Variants in ZRANB1 observed in about 807,000 individuals in gnomAD.
ZRANB1 encodes the protein zinc finger RANBP2-type containing 1.
Under a neutral mutation model 80.5 loss-of-function variants are expected in ZRANB1, and 16 were observed. The observed-to-expected ratio is 0.20, with a 90% CI of 0.13 to 0.30. The LOEUF (loss-of-function observed/expected upper bound fraction) is 0.30. Ranked by LOEUF, ZRANB1 falls within the 10% of genes least tolerant of loss-of-function variation. The pLI is 1.00. For missense variants in ZRANB1, 576 were observed against 862.6 expected, an observed-to-expected ratio of 0.67 and a Z score of 4.16; for synonymous variants, 291 against 293.1, an observed-to-expected ratio of 0.99 and a Z score of 0.07.
At chr10:124,941,012 CAAA>C (rs987885487), upstream of ZRANB1, among the ~76,000 whole-genome samples, 1 of 151,054 alleles carries the variant, frequency 6.6e-6, no homozygotes, top group Non-Finnish European at 1.5e-5. Context: ...ACAACAACAA[CAAA>C]AAAACAAACA....
At chr10:124,981,088 G>T (rs573415609) in intron 5 of ZRANB1, among the ~76,000 whole-genome samples, 1 of 152,168 alleles carries the variant, frequency 6.6e-6, no homozygotes, top group Admixed American at 6.5e-5. Context: ...CCATAATTTT[G>T]AGCATAATTA....
At position 124,942,970 on chromosome 10, in the gene ZRANB1, A is replaced by T. The variant is rs773667730; in HGVS notation, c.477A>T (p.Thr159=). The change falls in exon 1 of 9, where the codon ACA becomes ACT. Residue 159 remains threonine, a synonymous_variant. Transcript: ENST00000359653. ...RTQHWTCSVC[T]YENWAKAKRC... is the part of the protein sequence containing the mutation. ...AGCACTGGACTTGCTCTGTTTGCAC[A>T]TATGAAAACTGGGCCAAGGCTAAAA... The T allele has an allele frequency of 6.2e-7, 1 of 1,614,140 alleles. No homozygotes were observed. Among genetic ancestry groups the T allele is most frequent in the South Asian group, 1.1e-5 (1 of 91,090 alleles).
At chr10:124,925,487 T>G in the ZRANB1 span, among the ~76,000 whole-genome samples, 17 of 152,228 alleles carry the variant, frequency 1.1e-4, no homozygotes, top group African/African-American at 4.1e-4. Context: ...TCTTTATGTA[T>G]TCTGGATACA....
rs188487505 is a variant in ZRANB1 at position 124,955,630 on chromosome 10, A to G, written c.815-10964A>G. 3.3e-5 allele frequency among the ~76,000 whole-genome samples: 5 copies of G among 152,298 alleles called. No homozygotes were observed. The East Asian group carries it at 9.6e-4, about 29-fold the overall frequency. On this transcript the variant is annotated intron_variant, in intron 1 of 8. Transcript: ENST00000359653. The stretch of plus-strand genomic sequence containing the variant: ...GTTTACTTCCTGTCCAAGGTAGTTC[A>G]TATAGGTAATAGAGTTATTTTTAGC...
chr10:124,947,838 G>T (rs1249628246), intron 1 of ZRANB1, among the ~76,000 whole-genome samples: 3 of 151,934 alleles, frequency 2.0e-5, no homozygotes, highest in Non-Finnish European at 4.4e-5. Flanking sequence ...CACTATTCTT[G>T]TCCAAACCAT....
In ZRANB1 at chr10:124,983,735, A is replaced by G; in HGVS notation, c.1908+47A>G. 2.1e-6 allele frequency: 3 copies of G among 1,443,742 alleles called. No individual in the cohort carries two copies. The highest frequency in any genetic ancestry group is 1.9e-6 in the Non-Finnish European group (2 of 1,057,824). 89.4% of individuals were successfully genotyped at this position (1,443,742 alleles called of 1,614,324 possible). The stretch of plus-strand genomic sequence containing the variant: ...CTATTTCTAGTAGTGACCTTGTACC[A>G]GAAACAGCCTGAAGTGCCTTTCAGG... On this transcript the variant is annotated intron_variant, in intron 8 of 8. Coordinates refer to ENST00000359653, the MANE Select transcript of ZRANB1 (RefSeq NM_017580.3). This position sits in a 1 kb window ranked among gnomAD's most constrained non-coding sequence, Gnocchi z 6.2.
chr10:124,947,257 C>T (rs1366666545), intron 1 of ZRANB1, among the ~76,000 whole-genome samples: 4 of 152,128 alleles, frequency 2.6e-5, no homozygotes, highest in African/African-American at 4.8e-5. Flanking sequence ...TGTAAATGTA[C>T]AGTTGTCTCT....
At chr10:124,962,332 A>G (rs1589848238) in intron 1 of ZRANB1, 1 of 982,424 alleles carries the variant, frequency 1.0e-6, no homozygotes, top group African/African-American at 1.7e-5. Flanking sequence ...CCCTGACCCC[A>G]CAGCATAAAC....
At chr10:124,925,977 A>G in the ZRANB1 span, among the ~76,000 whole-genome samples, 1 of 152,238 alleles carries the variant, frequency 6.6e-6, no homozygotes, top group African/African-American at 2.4e-5. Flanking sequence ...TTCCTAGGCC[A>G]TAAACGCTGT....
At chr10:124,917,631 C>G in the ZRANB1 span, among the ~76,000 whole-genome samples, 1 of 152,240 alleles carries the variant, frequency 6.6e-6, no homozygotes, top group South Asian at 2.1e-4. Context: ...CGCTCCCACT[C>G]CGCAATAGGC....
intron 1 of ZRANB1, among the ~76,000 whole-genome samples, chr10:124,966,244 G>A (rs1421310348): frequency 6.6e-6 from 1 of 151,972 alleles, no homozygotes; most frequent in Admixed American, 6.6e-5. Context: ...CAGGATGAAC[G>A]CAGGACCGGA....
the ZRANB1 span, among the ~76,000 whole-genome samples, chr10:124,922,632 A>T: frequency 6.6e-6 from 1 of 151,492 alleles, no homozygotes; most frequent in African/African-American, 2.4e-5. Flanking sequence ...AGCTGGGATT[A>T]CAGGCACGTG....
intron 2 of ZRANB1, among the ~76,000 whole-genome samples, chr10:124,970,063 T>C (rs1411682808): frequency 6.6e-6 from 1 of 152,152 alleles, no homozygotes; most frequent in Non-Finnish European, 1.5e-5. Flanking sequence ...TGAATTTACT[T>C]TGGGGGAGCC....
chr10:124,963,287 A>T (rs866696334), intron 1 of ZRANB1, among the ~76,000 whole-genome samples: 304 of 151,404 alleles, frequency 2.0e-3, no homozygotes, highest in African/African-American at 5.5e-3. Flanking sequence ...AAAAAAAAAA[A>T]AATGCTTCAG....
chr10:124,978,354 TTTC>T (rs1457696279), intron 5 of ZRANB1, among the ~76,000 whole-genome samples: 1 of 152,232 alleles, frequency 6.6e-6, no homozygotes, highest in Non-Finnish European at 1.5e-5. Flanking sequence ...AGTGAGATGT[TTTC>T]TTAAGTCATA....
chr10:124,957,576 C>G (rs1003215307), intron 1 of ZRANB1, among the ~76,000 whole-genome samples: 2 of 152,130 alleles, frequency 1.3e-5, no homozygotes, highest in Admixed American at 1.3e-4. Context: ...CTTCCTCCAG[C>G]CCCTGACAAC....
intron 1 of ZRANB1, among the ~76,000 whole-genome samples, chr10:124,961,371 G>A (rs1020456722): frequency 1.3e-5 from 2 of 152,142 alleles, no homozygotes; most frequent in African/African-American, 2.4e-5. Flanking sequence ...TGTTTTAAGT[G>A]ACTCATGATG....
the ZRANB1 span, among the ~76,000 whole-genome samples, chr10:124,923,673 T>C: frequency 6.6e-6 from 1 of 151,888 alleles, no homozygotes; most frequent in Non-Finnish European, 1.5e-5. Context: ...ATGAAACTTA[T>C]GGTAGAAGGT....
At chr10:124,925,770 T>C in the ZRANB1 span, among the ~76,000 whole-genome samples, 7 of 152,214 alleles carry the variant, frequency 4.6e-5, no homozygotes, top group Non-Finnish European at 1.0e-4. Context: ...TTTTTTTGCA[T>C]GTGGCTGTCT....
Sources: gnomAD v4.1 joint callset for allele counts (sites outside exome capture counted in the v4.1 genomes callset) on GRCh38, gnomAD v4.1.1 for gene constraint, Gnocchi (gnomAD v3.1) non-coding constraint, MANE v1.5 for transcripts, NCBI Gene and HGNC (gene_info 2026-07-23, HGNC 2026-07-21) for gene names.